Variants in GLIS3 observed in about 807,000 individuals in gnomAD.
The protein encoded by GLIS3 is zinc finger protein GLIS3.
Under a neutral mutation model 78.6 loss-of-function variants are expected in GLIS3, and 53 were observed. The ratio of observed to expected loss-of-function variants is 0.67; its 90% CI spans 0.54 to 0.85. The LOEUF is 0.85. Ranked by LOEUF, GLIS3 falls within the 40% of genes least tolerant of loss-of-function variation. GLIS3 has a pLI of 0.00. For missense variants in GLIS3, 1,703 were observed against 1,231.1 expected (o/e 1.38, Z -5.74); for synonymous variants, 684 against 509.9 (o/e 1.34, Z -4.60).
intron 4 of GLIS3, among the ~76,000 whole-genome samples, chr9:3,942,462 T>C (rs1815997260): frequency 6.6e-6 from 1 of 152,210 alleles, no homozygotes; most frequent in South Asian, 2.1e-4. Context: ...CTGCAGATAC[T>C]GTCAAAGTGA....
chr9:3,829,351 T>C lies in GLIS3; in HGVS notation c.2615A>G (p.Asp872Gly), dbSNP rs772874731. The change falls in exon 10 of 11, where the codon GAT becomes GGT. Residue 872 changes from aspartate to glycine, a missense_variant. Transcript: ENST00000381971. ...VPTSMGQASF[D>G]VFHRAFSTHS... is the part of the protein sequence containing the mutation. ...AGTCGAGAAGGCTCTGTGGAAAACATCAAAACTGGCCTGGCCCATGGATGT... is the reference window on the plus strand; with the variant it reads ...AGTCGAGAAGGCTCTGTGGAAAACACCAAAACTGGCCTGGCCCATGGATGT... The C allele has an allele frequency of 6.2e-7, 1 of 1,614,012 alleles. No individual in the cohort carries two copies. The highest frequency in any genetic ancestry group is 1.1e-5 in the South Asian group (1 of 91,074).
chr9:4,253,034 A>G (rs1297247437), intron 2 of GLIS3, among the ~76,000 whole-genome samples: 1 of 152,160 alleles, frequency 6.6e-6, no homozygotes, highest in African/African-American at 2.4e-5. Flanking sequence ...GCTCTCCTGT[A>G]TGAAGTCTCT....
the GLIS3 span, among the ~76,000 whole-genome samples, chr9:4,410,648 T>C: frequency 2.6e-5 from 4 of 152,214 alleles, no homozygotes; most frequent in African/African-American, 9.6e-5. Context: ...CATAAATGGA[T>C]GCTACAGAAA....
At chr9:4,439,418 C>T in the GLIS3 span, among the ~76,000 whole-genome samples, 3 of 152,132 alleles carry the variant, frequency 2.0e-5, no homozygotes, top group African/African-American at 2.4e-5. Context: ...TTCTCTTCTT[C>T]TCCTCCTATC....
chr9:4,415,435 C>A, the GLIS3 span, among the ~76,000 whole-genome samples: 1 of 152,328 alleles, frequency 6.6e-6, no homozygotes, highest in East Asian at 1.9e-4. Flanking sequence ...TACTTTGCCT[C>A]AGCCTTTCTG....
chr9:3,934,148 C>CAAAG (rs1449900556), intron 5 of GLIS3, among the ~76,000 whole-genome samples: 2 of 152,166 alleles, frequency 1.3e-5, no homozygotes, highest in African/African-American at 4.8e-5. Flanking sequence ...ACCGAGTAAG[C>CAAAG]AAAGATTTTC....
intron 7 of GLIS3, among the ~76,000 whole-genome samples, chr9:3,895,553 T>C (rs1172844911): frequency 1.3e-5 from 2 of 152,200 alleles, no homozygotes; most frequent in East Asian, 3.8e-4. Flanking sequence ...GGGACGCTAT[T>C]ATCTTTCACA....
the GLIS3 span, among the ~76,000 whole-genome samples, chr9:4,361,609 G>A: frequency 6.6e-6 from 1 of 152,200 alleles, no homozygotes; most frequent in African/African-American, 2.4e-5. Context: ...TCCTGGAACA[G>A]AATCTAAGTA....
intron 2 of GLIS3, among the ~76,000 whole-genome samples, chr9:4,225,686 A>T (rs1254227772): frequency 6.6e-6 from 1 of 152,210 alleles, no homozygotes; most frequent in African/African-American, 2.4e-5. Context: ...AAGGGAAAGA[A>T]TCATGAAGTT....
At chr9:4,070,503 T>A (rs1276962334) in intron 4 of GLIS3, among the ~76,000 whole-genome samples, 1 of 151,592 alleles carries the variant, frequency 6.6e-6, no homozygotes. Flanking sequence ...TGTGCGTAAG[T>A]ATTTGTGTGT....
intron 2 of GLIS3, among the ~76,000 whole-genome samples, chr9:4,185,445 T>C (rs1817701174): frequency 1.3e-5 from 2 of 152,196 alleles, no homozygotes; most frequent in African/African-American, 2.4e-5. Context: ...GTTGACGTAC[T>C]AATATATACT....
At chr9:3,921,432 A>C (rs1467050064) in intron 6 of GLIS3, among the ~76,000 whole-genome samples, 1 of 152,198 alleles carries the variant, frequency 6.6e-6, no homozygotes, top group Non-Finnish European at 1.5e-5. Context: ...CAGAGCTAAG[A>C]TTCAAACTCA....
At chr9:4,123,413 T>A (rs1832335068) in intron 3 of GLIS3, among the ~76,000 whole-genome samples, 1 of 152,168 alleles carries the variant, frequency 6.6e-6, no homozygotes, top group Admixed American at 6.5e-5. Context: ...ATTTTACTTT[T>A]AAGAATTTAT....
chr9:4,489,531 AAG>A, the GLIS3 span, among the ~76,000 whole-genome samples: 1 of 152,208 alleles, frequency 6.6e-6, no homozygotes, highest in African/African-American at 2.4e-5. Context: ...AAGGGAGGGA[AAG>A]AGATTGTATA....
intron 4 of GLIS3, among the ~76,000 whole-genome samples, chr9:3,984,521 C>G (rs1320077486): frequency 6.6e-6 from 1 of 152,216 alleles, no homozygotes; most frequent in African/African-American, 2.4e-5. Context: ...TGCCTGTACC[C>G]CCATCATATC....
At chr9:4,331,889 C>CA (rs1245135312) in intron 2 of GLIS3, among the ~76,000 whole-genome samples, 2 of 152,040 alleles carry the variant, frequency 1.3e-5, no homozygotes, top group Non-Finnish European at 2.9e-5. Context: ...ATTACAGGAA[C>CA]AAAAAGAAAT....
chr9:4,126,479 C>G (rs1419076126), intron 2 of GLIS3, among the ~76,000 whole-genome samples: 2 of 129,256 alleles, frequency 1.5e-5, no homozygotes, highest in African/African-American at 5.6e-5. Flanking sequence ...GACATCTACT[C>G]AATTTTTTAA....
At chr9:4,010,711 A>T (rs1821933258) in intron 4 of GLIS3, among the ~76,000 whole-genome samples, 1 of 152,218 alleles carries the variant, frequency 6.6e-6, no homozygotes, top group South Asian at 2.1e-4. Context: ...TCAGAAAGCC[A>T]GATACAGTTT....
intron 5 of GLIS3, among the ~76,000 whole-genome samples, chr9:3,936,434 G>C (rs1194793508): frequency 6.6e-6 from 1 of 152,188 alleles, no homozygotes; most frequent in Non-Finnish European, 1.5e-5. Context: ...CAAAGAATAT[G>C]TGGCTGCTAA....
Sources: allele counts gnomAD v4.1 joint callset (sites outside exome capture counted in the v4.1 genomes callset), GRCh38; gene constraint gnomAD v4.1.1; transcripts MANE v1.5; gene names NCBI Gene and HGNC (gene_info 2026-07-23, HGNC 2026-07-21).